COL20A1: variants seen among roughly 807,000 people sequenced by gnomAD.
COL20A1 encodes collagen type XX alpha 1 chain.
Under a neutral mutation model 152.9 loss-of-function variants are expected in COL20A1, and 164 were observed. The ratio of observed to expected loss-of-function variants is 1.07; its 90% CI spans 0.94 to 1.22. COL20A1 has a LOEUF of 1.22. Ranked by LOEUF, COL20A1 falls within the 50% of genes most tolerant of loss-of-function variation. The pLI, the probability that COL20A1 is intolerant of heterozygous loss-of-function variation, is 0.00. For synonymous variants in COL20A1, 864 were observed against 756.0 expected (o/e 1.14, Z -2.34); for missense variants, 1,873 against 1,744.8 (o/e 1.07, Z -1.31).
At position 63,325,443 on chromosome 20, in the gene COL20A1, T is replaced by C; in HGVS notation, c.3297T>C (p.Gly1099=). 2 of 1,612,114 alleles carry C rather than the reference T, an allele frequency of 1.2e-6. No individual in the cohort carries two copies. Among genetic ancestry groups the C allele is most frequent in the South Asian group, 2.2e-5 (2 of 90,984 alleles). Residue 1099 remains glycine (G), a splice_region_variant and synonymous_variant, in exon 28 of 36, where the codon GGT becomes GGC. Transcript: ENST00000358894. The stretch of plus-strand genomic sequence containing the variant: ...TCCAGCCCATCTTCCCCCTCCAGGG[T>C]CCACCAGGGGTCAAAGGAGAGAAGG... ...PGEQGFPGPR[G]PPGVKGEKGD...
At chr20:63,309,560 G>T in intron 9 of COL20A1, 63 bp downstream of exon 9, 1 of 1,413,914 alleles carries the variant, frequency 7.1e-7, no homozygotes. Context: ...AAAGGGTTGG[G>T]GGGACGCTGT....
intron 29 of COL20A1, 141 bp downstream of exon 29, chr20:63,325,862 C>T: frequency 1.2e-6 from 1 of 831,382 alleles, no homozygotes; most frequent in Non-Finnish European, 1.9e-6. Flanking sequence ...GCACCACCCC[C>T]TTCAGCCTGT....
In COL20A1 at chr20:63,320,971, G is replaced by C. The variant is rs977973921; in HGVS notation, c.3154-42G>C. 5 of 1,443,442 alleles carry C rather than the reference G, an allele frequency of 3.5e-6. No individual in the cohort carries two copies. In the Admixed American group the frequency reaches 9.8e-5, roughly 28 times the overall value. The allele number at this position is 1,443,442 out of a possible 1,614,324, so 89.4% of individuals were successfully genotyped here. A position where few individuals can be genotyped will look rare whatever the true frequency, so the allele number is the denominator to read the frequency against. Reference sequence around the variant, plus strand: ...CAGCTCTAGGGTCAGGCAAGAGCCAGGGAGAGGGTCTCTCTAATGGGCAGG... The same window carrying C: ...CAGCTCTAGGGTCAGGCAAGAGCCACGGAGAGGGTCTCTCTAATGGGCAGG... On this transcript the variant is annotated intron_variant, in intron 25 of 35. Transcript: ENST00000358894.
Position 63,311,735 on chromosome 20 carries a change from C to T in COL20A1, c.1650C>T (p.Ile550=), listed in dbSNP as rs762673268. ...CTGAGGGCAGCGAGGCCCGGGGCAT[C>T]CGTGCCAGGACCCGTGAGTGCTCCA... ...RGPEGSEARG[I]RARTPTLAPP... Residue 550 remains isoleucine (I), a synonymous_variant, in exon 13 of 36, where the codon ATC becomes ATT. Coordinates refer to ENST00000358894, the MANE Select transcript of COL20A1 (RefSeq NM_020882.4). The surrounding 1 kb of genome is among the most constrained non-coding windows in gnomAD (Gnocchi z 4.4). 6.3e-7 allele frequency: 1 copy of T among 1,593,788 alleles called. No individual in the cohort carries two copies. The highest frequency in any genetic ancestry group is 8.5e-7 in the Non-Finnish European group (1 of 1,174,802).
At chr20:63,314,032 T>A (rs760238647) in intron 18 of COL20A1, 40 bp from the exon 19 acceptor site, 5 of 1,611,864 alleles carry the variant, frequency 3.1e-6, no homozygotes, top group Non-Finnish European at 4.2e-6. Context: ...CGAGCAAAGT[T>A]GCCCAGGAAG....
At chr20:63,312,363 C>A in intron 14 of COL20A1, 57 bp from the exon 15 acceptor site, 1 of 1,465,500 alleles carries the variant, frequency 6.8e-7, no homozygotes, top group Admixed American at 2.4e-5. Flanking sequence ...TTCTCCACCC[C>A]AGCAAGGGCT....
At chr20:63,318,051 G>A (rs1045455547) in intron 21 of COL20A1, among the ~76,000 whole-genome samples, 6 of 152,174 alleles carry the variant, frequency 3.9e-5, no homozygotes, top group African/African-American at 1.4e-4. Flanking sequence ...TCCACAGGGT[G>A]GCTGTTTCCA....
chr20:63,294,899 G>A (rs2067767049), intron 1 of COL20A1, 199 bp from the exon 2 acceptor site: 1 of 545,928 alleles, frequency 1.8e-6, no homozygotes, highest in African/African-American at 1.9e-5. Flanking sequence ...CTAGCCTTGG[G>A]TCCTTGAGTT....
At chr20:63,298,535 C>G (rs557138616) in intron 3 of COL20A1, among the ~76,000 whole-genome samples, 1 of 152,216 alleles carries the variant, frequency 6.6e-6, no homozygotes, top group East Asian at 1.9e-4. Flanking sequence ...AGATCCGCCC[C>G]CCTCAGCCTC....
intron 21 of COL20A1, among the ~76,000 whole-genome samples, chr20:63,317,664 T>C (rs1235817246): frequency 6.6e-6 from 1 of 152,000 alleles, no homozygotes; most frequent in East Asian, 1.9e-4. Context: ...GTCACCACGG[T>C]GTCTTCGTGG....
At position 63,308,613 on chromosome 20, in the gene COL20A1, G is replaced by T. The variant is rs543977801; in HGVS notation, c.847G>T (p.Val283Leu). 6 of 1,606,574 alleles carry T rather than the reference G, an allele frequency of 3.7e-6. No homozygotes were observed. In the East Asian group the frequency reaches 1.1e-4, roughly 30 times the overall value. ...AAGLRPEAAK[V>L]VILVTDGKSQ... ...TGGCCTCCGTCCAGAGGCAGCCAAG[G>T]TGGTGATTCTGGTGACGGACGGCAA... Residue 283 changes from valine (V) to leucine (L), a missense_variant, in exon 8 of 36, where the codon GTG (valine) becomes TTG (leucine). Physicochemically the swap from Val to Leu is conservative, Grantham distance 32. Coordinates refer to ENST00000358894, the MANE Select transcript of COL20A1 (RefSeq NM_020882.4).
chr20:63,310,752 C>T (rs540486488), intron 11 of COL20A1, among the ~76,000 whole-genome samples: 1 of 152,220 alleles, frequency 6.6e-6, no homozygotes, highest in South Asian at 2.1e-4. Flanking sequence ...TAATCACAGC[C>T]CATTATGCTG....
At chr20:63,310,641 C>T (rs2067992928) in intron 11 of COL20A1, 131 bp downstream of exon 11, 2 of 1,044,684 alleles carry the variant, frequency 1.9e-6, no homozygotes, top group Non-Finnish European at 2.7e-6. Flanking sequence ...TGGCACCATC[C>T]CCAGCTTGCT....
At position 63,305,969 on chromosome 20, in the gene COL20A1, G is replaced by C. The variant is rs895217261; in HGVS notation, c.426G>C (p.Gly142=). The part of the protein sequence containing the change: ...GAPEPTPSHT[G]SPDPEQASEP... Reference sequence around the variant, plus strand: ...CGGAGCCCACCCCCTCCCACACGGGGAGCCCAGACCCTGAGCAGGCTTCTG... The same window carrying C: ...CGGAGCCCACCCCCTCCCACACGGGCAGCCCAGACCCTGAGCAGGCTTCTG... The change falls in exon 5 of 36, where the codon GGG becomes GGC. Residue 142 remains glycine (G), a synonymous_variant. Coordinates refer to ENST00000358894, the MANE Select transcript of COL20A1 (RefSeq NM_020882.4). The surrounding 1 kb of genome is among the most constrained non-coding windows in gnomAD (Gnocchi z 4.9). 5 of 1,612,756 alleles carry C rather than the reference G, an allele frequency of 3.1e-6. No individual in the cohort carries two copies. Among genetic ancestry groups the C allele is most frequent in the Non-Finnish European group, 4.2e-6 (5 of 1,179,820 alleles).
At chr20:63,302,572 C>T (rs759926981) in intron 3 of COL20A1, among the ~76,000 whole-genome samples, 4 of 152,166 alleles carry the variant, frequency 2.6e-5, no homozygotes, top group East Asian at 1.9e-4. Context: ...CCACCTGCCT[C>T]GGCCTCCCAA....
At chr20:63,315,024 G>A (rs1045185433) in intron 19 of COL20A1, among the ~76,000 whole-genome samples, 1 of 151,910 alleles carries the variant, frequency 6.6e-6, no homozygotes, top group Non-Finnish European at 1.5e-5. Flanking sequence ...CCCAGGACAC[G>A]TGTGCCCCCA....
chr20:63,300,152 G>A (rs2067847969), intron 3 of COL20A1, among the ~76,000 whole-genome samples: 1 of 152,044 alleles, frequency 6.6e-6, no homozygotes, highest in South Asian at 2.1e-4. Flanking sequence ...ATATTCATGA[G>A]GGAATATTGG....
chr20:63,320,735 G>A (rs945232040), intron 25 of COL20A1, among the ~76,000 whole-genome samples: 1 of 152,192 alleles, frequency 6.6e-6, no homozygotes, highest in African/African-American at 2.4e-5. Flanking sequence ...GGGCCCAGAC[G>A]GGAGAGAGGG....
At chr20:63,294,992 G>T (rs2123365243) in intron 1 of COL20A1, 106 bp from the exon 2 acceptor site, 1 of 696,412 alleles carries the variant, frequency 1.4e-6, no homozygotes, top group South Asian at 1.8e-5. Context: ...CCCGGTGTGG[G>T]GACAGGCTGC....
Sources: allele counts gnomAD v4.1 joint callset (sites outside exome capture counted in the v4.1 genomes callset), GRCh38; gene constraint gnomAD v4.1.1; non-coding constraint Gnocchi (gnomAD v3.1); transcripts MANE v1.5; gene names NCBI Gene and HGNC (gene_info 2026-07-23, HGNC 2026-07-21).